PREX1: variants seen among roughly 807,000 people sequenced by gnomAD.
PREX1 encodes the protein phosphatidylinositol 3,4,5-trisphosphate-dependent Rac exchanger 1 protein.
In PREX1, 41 loss-of-function variants were observed where a neutral mutation model predicts 198.3. The observed-to-expected ratio is 0.21, with a 90% CI of 0.16 to 0.27. The LOEUF (loss-of-function observed/expected upper bound fraction) is 0.27, where lower values mean the gene tolerates loss of function less well. PREX1 is among the 10% of genes least tolerant of loss of function. The pLI, the probability that PREX1 is intolerant of heterozygous loss-of-function variation, is 1.00. For missense variants in PREX1, 1,620 were observed against 2,200.7 expected (o/e 0.74, Z 5.28); for synonymous variants, 843 against 887.2 (o/e 0.95, Z 0.89).
intron 16 of PREX1, among the ~76,000 whole-genome samples, chr20:48,659,283 A>G (rs539390927): frequency 2.8e-5 from 4 of 145,072 alleles, no homozygotes; most frequent in African/African-American, 7.7e-5. Context: ...AGAGAGAGAG[A>G]AAGAAGAAAA....
At chr20:48,654,056 A>C (rs1352855860) in intron 19 of PREX1, among the ~76,000 whole-genome samples, 2 of 152,202 alleles carry the variant, frequency 1.3e-5, no homozygotes, top group East Asian at 3.8e-4. Context: ...ACCAGGCCTG[A>C]ATGGTGTGGT....
upstream of PREX1, among the ~76,000 whole-genome samples, chr20:48,830,643 T>C (rs979593118): frequency 4.6e-5 from 7 of 152,244 alleles, no homozygotes; most frequent in South Asian, 2.1e-4. Flanking sequence ...GTTTTATACA[T>C]CGTTACTTCC....
chr20:48,725,448 AG>A (rs2090005429), intron 5 of PREX1, among the ~76,000 whole-genome samples: 1 of 152,234 alleles, frequency 6.6e-6, no homozygotes, highest in South Asian at 2.1e-4. Flanking sequence ...CCATCCCCAC[AG>A]AAGCAGCAAA....
chr20:48,650,871 C>A, intron 23 of PREX1, 23 bp downstream of exon 23: 5 of 1,612,924 alleles, frequency 3.1e-6, no homozygotes, highest in Non-Finnish European at 4.2e-6. Context: ...GTGGCAGAGA[C>A]CCCGGAGGGA....
chr20:48,652,661 C>A lies in PREX1; in HGVS notation c.2392G>T (p.Ala798Ser). The A allele has an allele frequency of 6.2e-7, 1 of 1,613,666 alleles. No homozygotes were observed. Among genetic ancestry groups the A allele is most frequent in the East Asian group, 2.2e-5 (1 of 44,860 alleles). Reference sequence around the variant, plus strand: ...GTGGAGGCCTCCTGACTGGCTCGTGCTTCCTGGGCATCCTCATGGGTGTGG... The same window carrying A: ...GTGGAGGCCTCCTGACTGGCTCGTGATTCCTGGGCATCCTCATGGGTGTGG... ...IYHTHEDAQE[A>S]RASQEASTED... The change falls in exon 21 of 40, where the codon GCA (alanine) becomes TCA (serine). Residue 798 changes from alanine (A) to serine (S), a missense_variant. Physicochemically the swap from Ala to Ser is moderately conservative, Grantham distance 99. This residue lies in a region of PREX1 where 514 missense variants were observed against 611.6 expected (regional missense o/e 0.84). Transcript: ENST00000371941.
intron 1 of PREX1, among the ~76,000 whole-genome samples, chr20:48,769,021 A>G (rs2090222293): frequency 6.6e-6 from 1 of 151,788 alleles, no homozygotes; most frequent in Non-Finnish European, 1.5e-5. Flanking sequence ...CTGTCCACGC[A>G]TGGGTTGTCC....
At chr20:48,846,660 T>C in the PREX1 span, among the ~76,000 whole-genome samples, 2 of 152,150 alleles carry the variant, frequency 1.3e-5, no homozygotes, top group Non-Finnish European at 2.9e-5. Flanking sequence ...GCAAAACTTC[T>C]ATTGTGTTGC....
chr20:48,805,408 G>A (rs1338473547), intron 1 of PREX1, among the ~76,000 whole-genome samples: 1 of 152,240 alleles, frequency 6.6e-6, no homozygotes, highest in Non-Finnish European at 1.5e-5. Flanking sequence ...CAGACACCAC[G>A]TGCTCTCTGC....
At chr20:48,698,950 A>G (rs761273) in intron 7 of PREX1, among the ~76,000 whole-genome samples, 84,529 of 152,088 alleles carry the variant, frequency 0.56, 24,916 homozygotes, top group African/African-American at 0.76. Flanking sequence ...GAGCTACAAA[A>G]GAGGTTAAAC....
At chr20:48,803,350 G>A (rs534814984) in intron 1 of PREX1, among the ~76,000 whole-genome samples, 15 of 152,246 alleles carry the variant, frequency 9.9e-5, no homozygotes, top group African/African-American at 2.2e-4. Flanking sequence ...CAGCATATGC[G>A]GGTGGGGGAG....
chr20:48,645,779 G>T (rs2089446024), intron 26 of PREX1, 72 bp downstream of exon 26: 1 of 1,513,472 alleles, frequency 6.6e-7, no homozygotes, highest in Non-Finnish European at 9.0e-7. Context: ...TTCTGATGTT[G>T]CCACGGGTCC....
chr20:48,771,642 T>TA (rs1448993596), intron 1 of PREX1, among the ~76,000 whole-genome samples: 1 of 151,666 alleles, frequency 6.6e-6, no homozygotes, highest in Non-Finnish European at 1.5e-5. Context: ...CATCTCAAAA[T>TA]AAAAAAAGGC....
chr20:48,697,081 G>A (rs1299560887), intron 7 of PREX1, among the ~76,000 whole-genome samples: 1 of 152,028 alleles, frequency 6.6e-6, no homozygotes. Context: ...AGATCCAAGG[G>A]GCAGAAGTTA....
chr20:48,702,788 G>A (rs552842160), intron 6 of PREX1, among the ~76,000 whole-genome samples: 9 of 152,238 alleles, frequency 5.9e-5, no homozygotes, highest in Admixed American at 2.6e-4. Context: ...CCCTGAGGCC[G>A]CTGCATCGCT....
chr20:48,632,412 G>T, intron 34 of PREX1, 21 bp from the exon 35 acceptor site: 1 of 1,613,276 alleles, frequency 6.2e-7, no homozygotes, highest in Non-Finnish European at 8.5e-7. Context: ...AGATGTCGGG[G>T]GCGGGCAGGC....
chr20:48,827,678 C>A lies in PREX1; in HGVS notation c.183G>T (p.Glu61Asp). The A allele has an allele frequency of 7.3e-7, 1 of 1,373,770 alleles. No individual in the cohort carries two copies. The highest frequency in any genetic ancestry group is 9.5e-7 in the Non-Finnish European group (1 of 1,051,644). The allele number at this position is 1,373,770 out of a possible 1,614,324, so 85.1% of individuals were successfully genotyped here. A position where few individuals can be genotyped will look rare whatever the true frequency, so the allele number is the denominator to read the frequency against. ...LCVLNEILGT[E>D]RDYVGTLRFL... is the part of the protein sequence containing the mutation. ...AGCGCAAGGTGCCCACGTAGTCCCT[C>A]TCGGTGCCCAAGATCTCGTTGAGGA... The change falls in exon 1 of 40, where the codon GAG (glutamate) becomes GAT (aspartate). Residue 61 changes from glutamate (E) to aspartate (D), a missense_variant. By Grantham distance (45) the Glu-to-Asp change is conservative. Around this residue, in one of 7 missense-constraint regions of PREX1, gnomAD observed 96 missense variants for 98.7 expected, o/e 0.97. Transcript: ENST00000371941. This position sits in a 1 kb window ranked among gnomAD's most constrained non-coding sequence, Gnocchi z 4.1.
Position 48,747,846 on chromosome 20 carries a change from T to C in PREX1, c.254A>G (p.Asp85Gly). The C allele has an allele frequency of 3.1e-6, 5 of 1,613,562 alleles. No individual in the cohort carries two copies. Among genetic ancestry groups the C allele is most frequent in the Non-Finnish European group, 1.7e-6 (2 of 1,179,864 alleles). Reference protein sequence around the residue: ...FLHRIRQNVADSVEKGLTEEN... With the variant: ...FLHRIRQNVAGSVEKGLTEEN... ...CTCCGTGAGGCCCTTCTCCACTGAG[T>C]CGGCCACGTTCTGCCGGATGCGATG... Residue 85 changes from aspartate (D) to glycine (G), a missense_variant, in exon 2 of 40, where the codon GAC becomes GGC. By Grantham distance (94) the Asp-to-Gly change is moderately conservative. Transcript: ENST00000371941.
intron 5 of PREX1, among the ~76,000 whole-genome samples, chr20:48,720,890 A>T (rs1234676413): frequency 6.6e-6 from 1 of 152,074 alleles, no homozygotes; most frequent in East Asian, 1.9e-4. Flanking sequence ...ACAGACAGAC[A>T]TGGGAGGTGC....
At chr20:48,735,325 C>A (rs2090052573) in intron 3 of PREX1, among the ~76,000 whole-genome samples, 2 of 152,078 alleles carry the variant, frequency 1.3e-5, no homozygotes. Flanking sequence ...TGGGGGTGTG[C>A]AAGAGACCCG....
Sources: allele counts gnomAD v4.1 joint callset (sites outside exome capture counted in the v4.1 genomes callset), GRCh38; gene constraint gnomAD v4.1.1; regional missense constraint gnomAD v4.1.1; non-coding constraint Gnocchi (gnomAD v3.1); transcripts MANE v1.5; gene names NCBI Gene and HGNC (gene_info 2026-07-23, HGNC 2026-07-21).